The following DSCAM variants were observed in gnomAD, a reference collection of about 807,000 sequenced individuals.
The protein encoded by DSCAM is DS cell adhesion molecule.
A neutral mutation model predicts 217.7 loss-of-function variants in DSCAM; 47 were observed. That is an observed-to-expected ratio of 0.22 (90% CI 0.17 to 0.28). DSCAM has a LOEUF of 0.28. Among genes scored for constraint, DSCAM ranks in the 10% least tolerant of loss-of-function variants. DSCAM has a pLI of 1.00. For synonymous variants in DSCAM, 1,056 were observed against 1,015.3 expected, an observed-to-expected ratio of 1.04 and a Z score of -0.76; for missense variants, 2,080 against 2,618.3, an observed-to-expected ratio of 0.79 and a Z score of 4.49.
At chr21:40,819,177 G>T (rs556750849) in intron 1 of DSCAM, among the ~76,000 whole-genome samples, 10 of 152,222 alleles carry the variant, frequency 6.6e-5, no homozygotes, top group African/African-American at 2.4e-4. Flanking sequence ...GGTTAGAAAG[G>T]GTTAATATAA....
At chr21:40,028,062 T>A (rs1227254542) in intron 32 of DSCAM, among the ~76,000 whole-genome samples, 2 of 44,686 alleles carry the variant, frequency 4.5e-5, no homozygotes, top group African/African-American at 1.7e-4. Context: ...CCTTTCTGTT[T>A]GTTAGTTTTC....
intron 3 of DSCAM, among the ~76,000 whole-genome samples, chr21:40,646,015 G>A (rs987384970): frequency 3.9e-5 from 6 of 152,074 alleles, no homozygotes; most frequent in African/African-American, 7.2e-5. Flanking sequence ...TCTTGGAGGC[G>A]GTGGAGGAGA....
At chr21:40,598,793 G>A (rs1040507800) in intron 3 of DSCAM, among the ~76,000 whole-genome samples, 10 of 151,992 alleles carry the variant, frequency 6.6e-5, no homozygotes, top group East Asian at 5.8e-4. Flanking sequence ...GTGAGCCACC[G>A]CGACTGGCCC....
chr21:40,247,482 G>A lies in DSCAM; in HGVS notation c.2356+28615C>T, dbSNP rs141672378. On this transcript the variant is annotated intron_variant, in intron 11 of 32. Coordinates refer to ENST00000400454, the MANE Select transcript of DSCAM (RefSeq NM_001389.5). ...GGGAGAAATTAGCCAAAACAAAGGGGCTACAGGCCCCATGAAAGCCCACAA... is the reference window on the plus strand; with the variant it reads ...GGGAGAAATTAGCCAAAACAAAGGGACTACAGGCCCCATGAAAGCCCACAA... 2.4e-3 allele frequency among the ~76,000 whole-genome samples: 371 copies of A among 152,282 alleles called. 5 individuals are homozygous for A. Among genetic ancestry groups the A allele is most frequent in the African/African-American group, 8.6e-3 (357 of 41,542 alleles).
At chr21:40,530,714 A>C (rs2076436889) in intron 3 of DSCAM, among the ~76,000 whole-genome samples, 2 of 151,948 alleles carry the variant, frequency 1.3e-5, no homozygotes, top group African/African-American at 4.8e-5. Flanking sequence ...CTCCACCCTA[A>C]ACCCACATTT....
At chr21:40,103,161 T>C (rs11701068) in intron 20 of DSCAM, among the ~76,000 whole-genome samples, 15,269 of 152,308 alleles carry the variant, frequency 0.1, 833 homozygotes, top group Non-Finnish European at 0.13. Context: ...ATTCAGCCTG[T>C]CTGATATAAA....
At chr21:40,497,690 T>C (rs1296474648) in intron 3 of DSCAM, among the ~76,000 whole-genome samples, 2 of 152,232 alleles carry the variant, frequency 1.3e-5, no homozygotes, top group African/African-American at 4.8e-5. Flanking sequence ...CATTCCCCAA[T>C]GTATACATAT....
At chr21:40,052,169 G>T in intron 29 of DSCAM, 62 bp from the exon 30 acceptor site, 1 of 1,575,280 alleles carries the variant, frequency 6.3e-7, no homozygotes, top group Non-Finnish European at 8.6e-7. Context: ...CCACTCCCTG[G>T]CCTTTTCTCT....
intron 3 of DSCAM, among the ~76,000 whole-genome samples, chr21:40,497,968 T>C (rs1267729222): frequency 6.6e-6 from 1 of 152,168 alleles, no homozygotes; most frequent in Admixed American, 6.5e-5. Flanking sequence ...GGATTTCGAG[T>C]ATAATCCAAC....
intron 11 of DSCAM, among the ~76,000 whole-genome samples, chr21:40,275,082 T>C (rs1256447472): frequency 6.6e-6 from 1 of 151,932 alleles, no homozygotes; most frequent in East Asian, 1.9e-4. Context: ...CCCAGTGCTT[T>C]GGGAGGCCAA....
chr21:40,810,506 G>A (rs1422526875), intron 1 of DSCAM, among the ~76,000 whole-genome samples: 1 of 152,224 alleles, frequency 6.6e-6, no homozygotes, highest in Admixed American at 6.5e-5. Context: ...TTTTGAGTCA[G>A]AGAGATCTGG....
intron 32 of DSCAM, among the ~76,000 whole-genome samples, chr21:40,035,341 C>CA (rs1459842259): frequency 1.0e-5 from 1 of 97,816 alleles, no homozygotes; most frequent in Non-Finnish European, 2.0e-5. Flanking sequence ...AAATGGAAAA[C>CA]AAAAAAAGGC....
At chr21:40,509,711 G>A (rs901414215) in intron 3 of DSCAM, among the ~76,000 whole-genome samples, 4 of 152,036 alleles carry the variant, frequency 2.6e-5, no homozygotes, top group South Asian at 2.1e-4. Flanking sequence ...AAACAGGAAC[G>A]AGGCCCAAGC....
At chr21:40,023,163 A>T (rs1460029607) in intron 32 of DSCAM, among the ~76,000 whole-genome samples, 1 of 151,702 alleles carries the variant, frequency 6.6e-6, no homozygotes, top group Non-Finnish European at 1.5e-5. Flanking sequence ...GAGAATGATG[A>T]TTTCCAATTT....
At chr21:40,674,073 A>G (rs574861986) in intron 3 of DSCAM, among the ~76,000 whole-genome samples, 1 of 152,336 alleles carries the variant, frequency 6.6e-6, no homozygotes, top group East Asian at 1.9e-4. Flanking sequence ...GCTATTGCTT[A>G]ATGTATTATT....
At chr21:40,532,608 C>A (rs572054633) in intron 3 of DSCAM, among the ~76,000 whole-genome samples, 1 of 151,914 alleles carries the variant, frequency 6.6e-6, no homozygotes, top group Non-Finnish European at 1.5e-5. Flanking sequence ...CTCAGTGGTC[C>A]GGAACAAGAA....
At position 40,225,170 on chromosome 21, in the gene DSCAM, C is replaced by T. The variant is rs2091320876; in HGVS notation, c.2357-35932G>A. On this transcript the variant is annotated intron_variant, in intron 11 of 32. Coordinates refer to ENST00000400454, the MANE Select transcript of DSCAM (RefSeq NM_001389.5). ...TCTCAGACTCAGATCCTCCTGCCAA[C>T]AAGGTAAGCCTGTGAATGATAGATG... Among the ~76,000 whole-genome samples, 3 of 152,220 alleles carry T rather than the reference C, an allele frequency of 2.0e-5. No homozygotes were observed. The South Asian group carries it at 6.2e-4, about 32-fold the overall frequency.
chr21:40,658,628 T>A (rs2090101598), intron 3 of DSCAM, among the ~76,000 whole-genome samples: 2 of 152,114 alleles, frequency 1.3e-5, no homozygotes, highest in Non-Finnish European at 2.9e-5. Context: ...GACTTACAAG[T>A]CTGAAACATG....
rs10684678 is a variant in DSCAM at position 40,266,777 on chromosome 21, C to CATATATATATATAT, written c.2356+9306_2356+9319dup. On this transcript the variant is annotated intron_variant, in intron 11 of 32. Coordinates refer to ENST00000400454, the MANE Select transcript of DSCAM (RefSeq NM_001389.5). The stretch of plus-strand genomic sequence containing the variant: ...TATATCATCTTGAAATTTTCACATG[C>CATATATATATATAT]ATATATATATATATATATATATACA... Among the ~76,000 whole-genome samples, 453 of 108,910 alleles carry CATATATATATATAT rather than the reference C, an allele frequency of 4.2e-3. 1 individual carries two copies. The highest frequency in any genetic ancestry group is 0.016 in the East Asian group (59 of 3,764). 71.4% of individuals were successfully genotyped at this position (108,910 alleles called of 152,430 possible).
Sources: allele counts gnomAD v4.1 joint callset (sites outside exome capture counted in the v4.1 genomes callset), GRCh38; gene constraint gnomAD v4.1.1; transcripts MANE v1.5; gene names NCBI Gene and HGNC (gene_info 2026-07-23, HGNC 2026-07-21).